The following OCEL1 variants were observed in gnomAD, a reference collection of about 807,000 sequenced individuals.
OCEL1 encodes occludin/ELL domain containing 1.
A neutral mutation model predicts 29.4 loss-of-function variants in OCEL1; 24 were observed. The observed-to-expected ratio is 0.82, with a 90% CI of 0.59 to 1.15. The LOEUF (loss-of-function observed/expected upper bound fraction) is 1.15, where lower values mean the gene tolerates loss of function less well. OCEL1 is among the 50% of genes most tolerant of loss of function. The probability of loss-of-function intolerance (pLI) is 0.00; values close to 1 mark genes in which losing one functional copy is unlikely to be tolerated. For synonymous variants in OCEL1, 172 were observed against 145.3 expected (o/e 1.18, Z -1.32); for missense variants, 402 against 352.5 (o/e 1.14, Z -1.13).
chr19:17,229,149 G>C lies in OCEL1; in HGVS notation c.*224G>C, dbSNP rs1011289138. The C allele has an allele frequency of 2.4e-6, 1 of 415,212 alleles. No homozygotes were observed. The highest frequency in any genetic ancestry group is 4.5e-6 in the Non-Finnish European group (1 of 224,596). 25.7% of individuals were successfully genotyped at this position (415,212 alleles called of 1,614,324 possible). A position where few individuals can be genotyped will look rare whatever the true frequency, so the allele number is the denominator to read the frequency against. Reference sequence around the variant, plus strand: ...TAGCTCTGACCCTACAGGGACTCCAGATCTCAACCTGTTCCCTGGAAGTAG... The same window carrying C: ...TAGCTCTGACCCTACAGGGACTCCACATCTCAACCTGTTCCCTGGAAGTAG... On this transcript the variant is annotated 3_prime_UTR_variant, in exon 6 of 6. Coordinates refer to ENST00000215061, the MANE Select transcript of OCEL1 (RefSeq NM_024578.3).
Position 17,226,259 on chromosome 19 carries a change from G to A in OCEL1, c.12G>A (p.Pro4=), listed in dbSNP as rs1474719736. MHN[P]DGSASPTADP... is the part of the protein sequence containing the mutation. The stretch of plus-strand genomic sequence containing the variant: ...CCATCCTGCAGTAAATGCACAACCC[G>A]GACGGAAGTGCCTCTCCGACAGCAG... Residue 4 remains proline, a synonymous_variant, in exon 1 of 6, where the codon CCG becomes CCA. Transcript: ENST00000215061. 13 of 1,610,982 alleles carry A rather than the reference G, an allele frequency of 8.1e-6. No individual in the cohort carries two copies. Among genetic ancestry groups the A allele is most frequent in the South Asian group, 5.5e-5 (5 of 90,588 alleles).
rs562622056 is a variant in OCEL1 at position 17,226,372 on chromosome 19, G to A, written c.69+56G>A. 62 of 1,579,384 alleles carry A rather than the reference G, an allele frequency of 3.9e-5. No homozygotes were observed. The African/African-American group carries it at 7.9e-4, about 20-fold the overall frequency. ...CTTGCAGGTGGGGCGGAGGTCCCGA[G>A]GAGCTCCTCGGGCGCGGTCGTCTGT... On this transcript the variant is annotated intron_variant, in intron 1 of 5. Transcript: ENST00000215061.
chr19:17,228,493 C>G, intron 5 of OCEL1, 184 bp downstream of exon 5: 1 of 662,270 alleles, frequency 1.5e-6, no homozygotes, highest in Non-Finnish European at 2.5e-6. Flanking sequence ...TCAAGCGGTT[C>G]TCCTGCCTCA....
chr19:17,227,157 A>C lies in OCEL1; in HGVS notation c.410A>C (p.Lys137Thr). ...GAKKPIGAIPKGHKPRPHPVP... is the reference protein window; with the variant it reads ...GAKKPIGAIPTGHKPRPHPVP... ...AAGAAGCCTATTGGAGCCATCCCTA[A>C]GGGGCATAAGCCTAGGCCCCACCCA... Residue 137 changes from lysine (K) to threonine (T), a missense_variant, in exon 3 of 6, where the codon AAG becomes ACG. Physicochemically the swap from Lys to Thr is moderately conservative, Grantham distance 78. Coordinates refer to ENST00000215061, the MANE Select transcript of OCEL1 (RefSeq NM_024578.3). 1 of 1,577,324 alleles carries C rather than the reference A, an allele frequency of 6.3e-7. No homozygotes were observed. The highest frequency in any genetic ancestry group is 8.6e-7 in the Non-Finnish European group (1 of 1,167,108).
chr19:17,226,850 C>A lies in OCEL1; in HGVS notation c.227C>A (p.Pro76Gln), dbSNP rs200297320. ...RGSRGHLHTH[P>Q]PGPGPPLQGL... ...TCCCGGGGGCACCTGCATACTCACC[C>A]GCCTGGGCCTGGGCCCCCGGTGAGC... Residue 76 changes from proline to glutamine, a missense_variant, in exon 2 of 6, where the codon CCG (proline) becomes CAG (glutamine). Transcript: ENST00000215061. 58 of 1,548,404 alleles carry A rather than the reference C, an allele frequency of 3.7e-5. No individual in the cohort carries two copies. Among genetic ancestry groups the A allele is most frequent in the Admixed American group, 2.3e-4 (11 of 48,242 alleles).
intron 1 of OCEL1, 174 bp downstream of exon 1, chr19:17,226,490 C>G: frequency 1.1e-6 from 1 of 915,934 alleles, no homozygotes; most frequent in Non-Finnish European, 1.6e-6. Context: ...AGTTCATTTA[C>G]ATAGCGCTTA....
intron 1 of OCEL1, 36 bp from the exon 2 acceptor site, chr19:17,226,657 T>G: frequency 7.0e-7 from 1 of 1,430,656 alleles, no homozygotes; most frequent in South Asian, 1.5e-5. Flanking sequence ...TCCGTGCGCG[T>G]CGTCAGGCGT....
chr19:17,226,801 C>T lies in OCEL1; in HGVS notation c.178C>T (p.Arg60Trp), dbSNP rs1488668552. 4.4e-6 allele frequency: 7 copies of T among 1,594,588 alleles called. No individual in the cohort carries two copies. Among genetic ancestry groups the T allele is most frequent in the Non-Finnish European group, 5.1e-6 (6 of 1,173,562 alleles). Residue 60 changes from arginine to tryptophan, a missense_variant, in exon 2 of 6, where the codon CGG becomes TGG. Physicochemically the swap from Arg to Trp is moderately radical, Grantham distance 101. Transcript: ENST00000215061. ...CTTCTCCCGGAGGCCGATGCCCACC[C>T]GGGAGCCCCCAAAGACTCGCGGCTC... is the stretch of plus-strand genomic sequence containing the variant. ...SCFSRRPMPT[R>W]EPPKTRGSRG...
intron 4 of OCEL1, 101 bp from the exon 5 acceptor site, chr19:17,228,155 G>C: frequency 6.5e-7 from 1 of 1,532,024 alleles, no homozygotes; most frequent in South Asian, 1.1e-5. Context: ...AGCCCTTGAA[G>C]TCCCCACTAG....
In OCEL1 at chr19:17,228,961, T is replaced by G. The variant is rs745660765; in HGVS notation, c.*36T>G. On this transcript the variant is annotated 3_prime_UTR_variant, in exon 6 of 6. Transcript: ENST00000215061. ...AGATGGGCAGAGGGATGCATGGGGA[T>G]GCAGGTCCCTTGCATTTCTTGGTAT... 1 of 1,596,870 alleles carries G rather than the reference T, an allele frequency of 6.3e-7. No individual in the cohort carries two copies. Among genetic ancestry groups the G allele is most frequent in the Non-Finnish European group, 8.5e-7 (1 of 1,170,966 alleles).
chr19:17,226,574 T>C, intron 1 of OCEL1, 119 bp from the exon 2 acceptor site: 1 of 1,156,718 alleles, frequency 8.6e-7, no homozygotes, highest in East Asian at 2.6e-5. Flanking sequence ...CAAATAGCGG[T>C]CGTTCTGGGG....
In OCEL1 at chr19:17,228,973, G is replaced by A. The variant is rs774006868; in HGVS notation, c.*48G>A. 1 of 1,585,164 alleles carries A rather than the reference G, an allele frequency of 6.3e-7. No homozygotes were observed. The highest frequency in any genetic ancestry group is 2.3e-5 in the East Asian group (1 of 44,262). On this transcript the variant is annotated 3_prime_UTR_variant, in exon 6 of 6. Transcript: ENST00000215061. ...GGATGCATGGGGATGCAGGTCCCTT[G>A]CATTTCTTGGTATCTCTCAGCTTTT...
chr19:17,226,385 C>A, intron 1 of OCEL1, 69 bp downstream of exon 1: 1 of 1,549,104 alleles, frequency 6.5e-7, no homozygotes, highest in Non-Finnish European at 8.8e-7. Flanking sequence ...GCTCCTCGGG[C>A]GCGGTCGTCT....
chr19:17,226,845 T>C lies in OCEL1; in HGVS notation c.222T>C (p.Thr74=). 3 of 1,556,942 alleles carry C rather than the reference T, an allele frequency of 1.9e-6. No individual in the cohort carries two copies. Among genetic ancestry groups the C allele is most frequent in the African/African-American group, 2.8e-5 (2 of 72,136 alleles). ...KTRGSRGHLH[T]HPPGPGPPLQ... is the part of the protein sequence containing the mutation. ...GCGGCTCCCGGGGGCACCTGCATACTCACCCGCCTGGGCCTGGGCCCCCGG... is the reference window on the plus strand; with the variant it reads ...GCGGCTCCCGGGGGCACCTGCATACCCACCCGCCTGGGCCTGGGCCCCCGG... The change falls in exon 2 of 6, where the codon ACT becomes ACC. Residue 74 remains threonine (T), a synonymous_variant. Coordinates refer to ENST00000215061, the MANE Select transcript of OCEL1 (RefSeq NM_024578.3).
At chr19:17,228,044 T>G in intron 4 of OCEL1, 39 bp downstream of exon 4, 1 of 1,604,846 alleles carries the variant, frequency 6.2e-7, no homozygotes, top group Non-Finnish European at 8.5e-7. Flanking sequence ...GCAGCCCTTC[T>G]GAGTGGCCCG....
intron 5 of OCEL1, 198 bp from the exon 6 acceptor site, chr19:17,228,605 C>G (rs2073384889): frequency 1.1e-5 from 7 of 653,616 alleles, no homozygotes; most frequent in Non-Finnish European, 1.5e-5. Context: ...AACTCCTGAC[C>G]TCAAGTGATC....
At chr19:17,228,652 G>A in intron 5 of OCEL1, 151 bp from the exon 6 acceptor site, 1 of 1,053,742 alleles carries the variant, frequency 9.5e-7, no homozygotes, top group Non-Finnish European at 1.3e-6. Context: ...GGGATTACAG[G>A]CATGAGCCAC....
At position 17,227,171 on chromosome 19, in the gene OCEL1, A is replaced by G; in HGVS notation, c.424A>G (p.Arg142Gly). ...IGAIPKGHKP[R>G]PHPVPDYELK... ...AGCCATCCCTAAGGGGCATAAGCCT[A>G]GGCCCCACCCAGTGCCCGACTATGA... Residue 142 changes from arginine (R) to glycine (G), a missense_variant, in exon 3 of 6, where the codon AGG becomes GGG. Arg to Gly is a moderately radical substitution (Grantham distance 125). Coordinates refer to ENST00000215061, the MANE Select transcript of OCEL1 (RefSeq NM_024578.3). The G allele has an allele frequency of 6.5e-7, 1 of 1,539,812 alleles. No homozygotes were observed. The highest frequency in any genetic ancestry group is 8.7e-7 in the Non-Finnish European group (1 of 1,148,696).
In OCEL1 at chr19:17,229,017, A is replaced by C. The variant is rs1316821220; in HGVS notation, c.*92A>C. The C allele has an allele frequency of 1.4e-6, 2 of 1,444,334 alleles. No individual in the cohort carries two copies. Among genetic ancestry groups the C allele is most frequent in the Admixed American group, 2.0e-5 (1 of 50,440 alleles). 89.5% of individuals were successfully genotyped at this position (1,444,334 alleles called of 1,614,324 possible). A position where few individuals can be genotyped will look rare whatever the true frequency, so the allele number is the denominator to read the frequency against. On this transcript the variant is annotated 3_prime_UTR_variant, in exon 6 of 6. Transcript: ENST00000215061. ...AGCTTTTCCTCTTGCAGCTCCCCCT[A>C]CCAGGGGTCGCTTTCTCCTGGATTG...
Sources: gnomAD v4.1 joint callset for allele counts on GRCh38, gnomAD v4.1.1 for gene constraint, MANE v1.5 for transcripts, NCBI Gene and HGNC (gene_info 2026-07-23, HGNC 2026-07-21) for gene names.